Variants in FMNL2 observed in about 807,000 individuals in gnomAD.
The protein encoded by FMNL2 is formin like 2, also known as formin-like protein 2.
Under a neutral mutation model 130.2 loss-of-function variants are expected in FMNL2, and 51 were observed. The ratio of observed to expected loss-of-function variants is 0.39; its 90% CI spans 0.31 to 0.49. FMNL2 has a LOEUF of 0.49. FMNL2 is among the 20% of genes least tolerant of loss of function. FMNL2 has a pLI of 0.85. For missense variants in FMNL2, 977 were observed against 1,316.2 expected (o/e 0.74, Z 3.99); for synonymous variants, 465 against 467.1 (o/e 1.00, Z 0.06).
intron 1 of FMNL2, among the ~76,000 whole-genome samples, chr2:152,504,458 G>C (rs1478770171): frequency 2.0e-5 from 3 of 151,832 alleles, no homozygotes; most frequent in Non-Finnish European, 4.4e-5. Context: ...TGTTGGTCAG[G>C]CTGGTCTCGA....
chr2:152,599,605 C>G (rs1260947526), intron 9 of FMNL2, among the ~76,000 whole-genome samples: 1 of 151,714 alleles, frequency 6.6e-6, no homozygotes, highest in Non-Finnish European at 1.5e-5. Context: ...GTGCCTCCTG[C>G]CAAACATCTG....
At position 152,648,223 on chromosome 2, in the gene FMNL2, C is replaced by T; in HGVS notation, c.*318C>T. On this transcript the variant is annotated 3_prime_UTR_variant, in exon 26 of 26. Coordinates refer to ENST00000288670, the MANE Select transcript of FMNL2 (RefSeq NM_052905.4). ...CTCATTACCTGCCATTGTGATTGTC[C>T]CATCATGGCCCACCTGGTTTCCTGA... The T allele has an allele frequency of 4.2e-6, 1 of 240,340 alleles. No homozygotes were observed. The highest frequency in any genetic ancestry group is 5.1e-5 in the Admixed American group (1 of 19,690). The allele number at this position is 240,340 out of a possible 1,614,324, so 14.9% of individuals were successfully genotyped here. A position where few individuals can be genotyped will look rare whatever the true frequency, so the allele number is the denominator to read the frequency against.
intron 1 of FMNL2, among the ~76,000 whole-genome samples, chr2:152,508,584 G>A (rs116083949): frequency 0.013 from 1,935 of 152,290 alleles, 41 homozygotes; most frequent in African/African-American, 0.045. Flanking sequence ...AGTGATGGGG[G>A]CGGAGTTGTT....
At chr2:152,366,386 T>C (rs1278279831) in intron 1 of FMNL2, among the ~76,000 whole-genome samples, 7 of 151,938 alleles carry the variant, frequency 4.6e-5, no homozygotes, top group African/African-American at 1.7e-4. Context: ...CATGTATACA[T>C]ATGTAACAAA....
rs141058717 is a variant in FMNL2 at position 152,643,950 on chromosome 2, T to C, written c.3169+3036T>C. 1.0e-3 allele frequency: 965 copies of C among 930,342 alleles called. 8 individuals are homozygous for C. In the African/African-American group the frequency reaches 0.016, roughly 16 times the overall value. The allele number at this position is 930,342 out of a possible 1,614,324, so 57.6% of individuals were successfully genotyped here. ...GTATTAAGAACTTACTGTGTTCAGG[T>C]TGGATGCAGTGGCACACGCCTGTAA... On this transcript the variant is annotated intron_variant, in intron 25 of 25. Transcript: ENST00000288670.
intron 1 of FMNL2, among the ~76,000 whole-genome samples, chr2:152,480,124 C>T (rs1009511808): frequency 6.6e-6 from 1 of 152,110 alleles, no homozygotes; most frequent in African/African-American, 2.4e-5. Context: ...GCCTGGACAC[C>T]AGAATGACGT....
chr2:152,350,253 C>T (rs1261831494), intron 1 of FMNL2, among the ~76,000 whole-genome samples: 1 of 152,046 alleles, frequency 6.6e-6, no homozygotes, highest in Non-Finnish European at 1.5e-5. Context: ...TTCCAGGGAC[C>T]CTGGAGCAAG....
chr2:152,344,445 G>A (rs1430851259), intron 1 of FMNL2, among the ~76,000 whole-genome samples: 4 of 152,118 alleles, frequency 2.6e-5, no homozygotes, highest in Admixed American at 6.6e-5. Context: ...GGATAGATTA[G>A]GCAAAATTGA....
intron 8 of FMNL2, among the ~76,000 whole-genome samples, chr2:152,579,916 G>A (rs1696686965): frequency 6.6e-6 from 1 of 152,118 alleles, no homozygotes; most frequent in South Asian, 2.1e-4. Context: ...ATACCTCTCT[G>A]TAGACAAAAT....
At chr2:152,389,810 C>A in intron 1 of FMNL2, 4 of 1,357,346 alleles carry the variant, frequency 2.9e-6, no homozygotes, top group African/African-American at 1.4e-5. Context: ...TTTTTCACTG[C>A]AGGAGAAGAG....
At chr2:152,616,966 A>G in intron 12 of FMNL2, 125 bp from the exon 13 acceptor site, 1 of 726,678 alleles carries the variant, frequency 1.4e-6, no homozygotes, top group East Asian at 2.7e-5. Context: ...CCATTTCCAG[A>G]AAACAACTTG....
At chr2:152,354,776 A>C (rs547535238) in intron 1 of FMNL2, among the ~76,000 whole-genome samples, 123 of 152,308 alleles carry the variant, frequency 8.1e-4, no homozygotes, top group African/African-American at 2.8e-3. Context: ...AGTTGGTGAG[A>C]TAAAAGAATA....
At chr2:152,531,040 G>A (rs1008663865) in intron 2 of FMNL2, among the ~76,000 whole-genome samples, 1 of 151,990 alleles carries the variant, frequency 6.6e-6, no homozygotes, top group Non-Finnish European at 1.5e-5. Context: ...AAGGCTTGTA[G>A]CAGCATCTTC....
intron 1 of FMNL2, among the ~76,000 whole-genome samples, chr2:152,490,378 G>A (rs73968037): frequency 4.6e-5 from 7 of 152,262 alleles, no homozygotes; most frequent in African/African-American, 1.7e-4. Flanking sequence ...TAAGTGTACA[G>A]CATCATTCTC....
At chr2:152,631,066 G>C (rs1050089773) in intron 20 of FMNL2, among the ~76,000 whole-genome samples, 2 of 151,888 alleles carry the variant, frequency 1.3e-5, no homozygotes, top group African/African-American at 4.8e-5. Flanking sequence ...TATAAATTAG[G>C]CACAGTGAGA....
At chr2:152,631,751 C>T (rs1490668986) in intron 20 of FMNL2, among the ~76,000 whole-genome samples, 5 of 152,116 alleles carry the variant, frequency 3.3e-5, no homozygotes, top group South Asian at 4.1e-4. Context: ...AGGAAAGCTG[C>T]GAATCATTCT....
intron 1 of FMNL2, among the ~76,000 whole-genome samples, chr2:152,350,714 T>G (rs1379407405): frequency 1.3e-5 from 2 of 152,200 alleles, no homozygotes; most frequent in African/African-American, 4.8e-5. Flanking sequence ...TTATATTTCC[T>G]TTACAAAATT....
chr2:152,447,961 A>T (rs1035369473), intron 1 of FMNL2, among the ~76,000 whole-genome samples: 3 of 152,208 alleles, frequency 2.0e-5, no homozygotes, highest in Non-Finnish European at 4.4e-5. Flanking sequence ...TAACAAGACC[A>T]CTAGTCTCTT....
intron 1 of FMNL2, among the ~76,000 whole-genome samples, chr2:152,519,644 T>C (rs925858181): frequency 3.3e-5 from 5 of 152,238 alleles, no homozygotes; most frequent in African/African-American, 1.2e-4. Flanking sequence ...GTCCTGTCTT[T>C]GTTCCTGTAA....
Sources: gnomAD v4.1 joint callset for allele counts (sites outside exome capture counted in the v4.1 genomes callset) on GRCh38, gnomAD v4.1.1 for gene constraint, MANE v1.5 for transcripts, NCBI Gene and HGNC (gene_info 2026-07-23, HGNC 2026-07-21) for gene names.